SLC35F4: variants seen among roughly 807,000 people sequenced by gnomAD.
SLC35F4 encodes the protein chromosome 14 open reading frame 36.
In SLC35F4, 24 loss-of-function variants were observed where a neutral mutation model predicts 44.2. That is an observed-to-expected ratio of 0.54 (90% CI 0.39 to 0.76). The LOEUF (loss-of-function observed/expected upper bound fraction) is 0.76. Among genes scored for constraint, SLC35F4 ranks in the 30% least tolerant of loss-of-function variants. SLC35F4 has a pLI of 0.00. For missense variants in SLC35F4, 562 were observed against 586.1 expected, an observed-to-expected ratio of 0.96 and a Z score of 0.42; for synonymous variants, 238 against 223.6, an observed-to-expected ratio of 1.06 and a Z score of -0.57.
At chr14:57,763,359 A>G (rs1016761402) in intron 1 of SLC35F4, among the ~76,000 whole-genome samples, 3 of 152,224 alleles carry the variant, frequency 2.0e-5, no homozygotes, top group African/African-American at 7.2e-5. Flanking sequence ...ACTAAGACAT[A>G]CTAGAGAATA....
chr14:57,973,763 T>C (rs1290280843), downstream of SLC35F4, among the ~76,000 whole-genome samples: 1 of 152,166 alleles, frequency 6.6e-6, no homozygotes, highest in African/African-American at 2.4e-5. Context: ...AGACCTCAAG[T>C]AGGATCCATG....
intron 1 of SLC35F4, among the ~76,000 whole-genome samples, chr14:57,607,202 G>A (rs1290791071): frequency 1.3e-5 from 2 of 152,110 alleles, no homozygotes; most frequent in Non-Finnish European, 2.9e-5. Flanking sequence ...CTATGGCTCA[G>A]TTCACAAAAT....
At chr14:57,730,288 A>G (rs545601554) in intron 1 of SLC35F4, among the ~76,000 whole-genome samples, 1 of 152,254 alleles carries the variant, frequency 6.6e-6, no homozygotes, top group South Asian at 2.1e-4. Context: ...CTTCTATTCC[A>G]CCATCTTTCT....
chr14:57,885,911 T>C (rs970179558), intron 1 of SLC35F4, among the ~76,000 whole-genome samples: 4 of 152,228 alleles, frequency 2.6e-5, no homozygotes, highest in Non-Finnish European at 5.9e-5. Flanking sequence ...CAGAGATTTC[T>C]TACATTTATA....
chr14:57,753,541 C>T (rs2076932193), intron 1 of SLC35F4, among the ~76,000 whole-genome samples: 1 of 152,182 alleles, frequency 6.6e-6, no homozygotes, highest in Admixed American at 6.5e-5. Flanking sequence ...GCTGCTTTCT[C>T]AGGCCTTCAC....
intron 1 of SLC35F4, among the ~76,000 whole-genome samples, chr14:57,922,020 C>A (rs1889453992): frequency 2.6e-5 from 4 of 152,134 alleles, no homozygotes. Context: ...AGCTTGATGG[C>A]CAATGGAGGA....
At chr14:57,945,337 A>C (rs1890004415) in intron 1 of SLC35F4, among the ~76,000 whole-genome samples, 1 of 151,920 alleles carries the variant, frequency 6.6e-6, no homozygotes, top group African/African-American at 2.4e-5. Flanking sequence ...GCAGAAAAAG[A>C]AGCTGCTGCC....
chr14:57,820,582 G>A (rs919633100), intron 1 of SLC35F4, among the ~76,000 whole-genome samples: 10 of 152,202 alleles, frequency 6.6e-5, no homozygotes, highest in African/African-American at 2.4e-4. Context: ...GTTCTCTTCA[G>A]AGTATCTGTA....
At position 57,961,388 on chromosome 14, in the gene SLC35F4, G is replaced by T. The variant is rs17094008; in HGVS notation, n.282+20525C>A. Among the ~76,000 whole-genome samples, 111 of 152,142 alleles carry T rather than the reference G, an allele frequency of 7.3e-4. 1 individual carries two copies. In the East Asian group the frequency reaches 0.02, roughly 27 times the overall value. On this transcript the variant is annotated intron_variant and non_coding_transcript_variant, in intron 1 of 1. Transcript: ENST00000556568. ...CAGAGCAGCGCCACAGAGTAAACAC[G>T]TCCTGAGGAGAGAGGAGAGTCCTGA... is the stretch of plus-strand genomic sequence containing the variant.
At chr14:57,961,517 A>C (rs2141088217) in intron 1 of SLC35F4, among the ~76,000 whole-genome samples, 1 of 152,282 alleles carries the variant, frequency 6.6e-6, no homozygotes, top group Middle Eastern at 3.4e-3. Flanking sequence ...TCCTCATGTC[A>C]GCCTTGGCTA....
chr14:57,640,118 G>C (rs188021576), intron 1 of SLC35F4, among the ~76,000 whole-genome samples: 3 of 151,886 alleles, frequency 2.0e-5, no homozygotes, highest in Admixed American at 1.3e-4. Flanking sequence ...GCACAAGAGG[G>C]AAGAGAGGGT....
chr14:57,947,820 A>G (rs1890063575), intron 1 of SLC35F4, among the ~76,000 whole-genome samples: 1 of 152,034 alleles, frequency 6.6e-6, no homozygotes, highest in Non-Finnish European at 1.5e-5. Flanking sequence ...TTTATGTGGT[A>G]TTTCACATTT....
At chr14:57,838,208 C>T (rs1322782509) in intron 1 of SLC35F4, among the ~76,000 whole-genome samples, 2 of 152,160 alleles carry the variant, frequency 1.3e-5, no homozygotes, top group African/African-American at 4.8e-5. Context: ...CCCACTCTTC[C>T]TGGGCAGGTT....
At chr14:57,925,061 C>T (rs1889528473) in intron 1 of SLC35F4, among the ~76,000 whole-genome samples, 1 of 152,018 alleles carries the variant, frequency 6.6e-6, no homozygotes, top group Admixed American at 6.6e-5. Context: ...GGCCACGAGG[C>T]TCTTTTTAAC....
chr14:57,762,427 A>T (rs959288919), intron 1 of SLC35F4, among the ~76,000 whole-genome samples: 1 of 152,076 alleles, frequency 6.6e-6, no homozygotes, highest in African/African-American at 2.4e-5. Flanking sequence ...TTTCTAGGGA[A>T]TTTTACCTTT....
intron 1 of SLC35F4, among the ~76,000 whole-genome samples, chr14:57,768,240 T>C (rs1303776940): frequency 6.6e-6 from 1 of 152,226 alleles, no homozygotes; most frequent in Non-Finnish European, 1.5e-5. Flanking sequence ...TACATCAAAA[T>C]GCTTTTTTCA....
At chr14:57,898,209 G>A (rs909310329) in intron 1 of SLC35F4, among the ~76,000 whole-genome samples, 1 of 152,176 alleles carries the variant, frequency 6.6e-6, no homozygotes. Context: ...TAACAAGGTG[G>A]CAGAATAAAA....
Position 57,968,624 on chromosome 14 carries a change from A to T in SLC35F4, n.282+13289T>A, listed in dbSNP as rs141805495. ...TGACATTAGCTGGAACGAATTAGAAATGCAGACTCTCAGATTCACCCCTAG... is the reference window on the plus strand; with the variant it reads ...TGACATTAGCTGGAACGAATTAGAATTGCAGACTCTCAGATTCACCCCTAG... On this transcript the variant is annotated intron_variant and non_coding_transcript_variant, in intron 1 of 1. Coordinates refer to the SLC35F4 transcript ENST00000556568. Among the ~76,000 whole-genome samples, 32 of 152,334 alleles carry T rather than the reference A, an allele frequency of 2.1e-4. 1 individual carries two copies. In the East Asian group the frequency reaches 5.6e-3, roughly 27 times the overall value.
At chr14:57,883,640 C>T (rs1888588824) in intron 1 of SLC35F4, among the ~76,000 whole-genome samples, 1 of 152,140 alleles carries the variant, frequency 6.6e-6, no homozygotes, top group Non-Finnish European at 1.5e-5. Flanking sequence ...TTTTAATAGG[C>T]TCTCTCTATT....
Sources: allele counts gnomAD v4.1 joint callset (sites outside exome capture counted in the v4.1 genomes callset), GRCh38; gene constraint gnomAD v4.1.1; transcripts MANE v1.5; gene names NCBI Gene and HGNC (gene_info 2026-07-23, HGNC 2026-07-21).